The following CELF4 variants were observed in gnomAD, a reference collection of about 807,000 sequenced individuals.
CELF4 encodes the protein CUGBP Elav-like family member 4.
CELF4 carries 18 observed loss-of-function variants against 59.9 expected under a neutral mutation model. The ratio of observed to expected loss-of-function variants is 0.30; its 90% CI spans 0.21 to 0.45. The LOEUF is 0.45. Ranked by LOEUF, CELF4 falls within the 20% of genes least tolerant of loss-of-function variation. CELF4 has a pLI of 1.00. For synonymous variants in CELF4, 261 were observed against 267.1 expected, an observed-to-expected ratio of 0.98 and a Z score of 0.22; for missense variants, 456 against 689.0, an observed-to-expected ratio of 0.66 and a Z score of 3.79.
rs1198127851 is a variant in CELF4, at chr18:37,243,871, G to C, written c.*1371C>G. On this transcript the variant is annotated 3_prime_UTR_variant, in exon 13 of 13. Coordinates refer to ENST00000420428, the MANE Select transcript of CELF4 (RefSeq NM_020180.4). Reference sequence around the variant, plus strand: ...GAGTGAAGCGGAAGGTGAGTGAAGCGCGCGCAGCTCCCAGAGGGAAGCGAG... The same window carrying C: ...GAGTGAAGCGGAAGGTGAGTGAAGCCCGCGCAGCTCCCAGAGGGAAGCGAG... The C allele has an allele frequency of 5.5e-6, 1 of 181,632 alleles. No homozygotes were observed. The highest frequency in any genetic ancestry group is 1.3e-4 in the East Asian group (1 of 7,716). 11.3% of individuals were successfully genotyped at this position (181,632 alleles called of 1,614,324 possible). A position where few individuals can be genotyped will look rare whatever the true frequency, so the allele number is the denominator to read the frequency against.
chr18:37,465,751 G>A (rs77280470), intron 2 of CELF4, among the ~76,000 whole-genome samples: 1,602 of 152,314 alleles, frequency 0.011, 23 homozygotes, highest in Non-Finnish European at 0.011. Context: ...TGTAATGGAA[G>A]GGAATTGGTA....
In CELF4 at chr18:37,565,507, G is replaced by A; in HGVS notation, c.135C>T (p.Thr45=). Reference sequence around the variant, plus strand: ...TGGCATCGTGGTCCTTCATGGGAATGGTCGACGGGTTCCCCGGGCTGTGGC... The same window carrying A: ...TGGCATCGTGGTCCTTCATGGGAATAGTCGACGGGTTCCCCGGGCTGTGGC... ...GLSHSPGNPS[T]IPMKDHDAIK... Residue 45 remains threonine, a synonymous_variant, in exon 1 of 13, where the codon ACC becomes ACT. Coordinates refer to ENST00000420428, the MANE Select transcript of CELF4 (RefSeq NM_020180.4). 1 of 1,614,190 alleles carries A rather than the reference G, an allele frequency of 6.2e-7. No individual in the cohort carries two copies. Among genetic ancestry groups the A allele is most frequent in the East Asian group, 2.2e-5 (1 of 44,862 alleles).
chr18:37,403,710 G>T (rs1031733965), intron 2 of CELF4, among the ~76,000 whole-genome samples: 1 of 152,186 alleles, frequency 6.6e-6, no homozygotes, highest in South Asian at 2.1e-4. Context: ...GCAGAAGGGC[G>T]GCCCTAGGCA....
chr18:37,504,054 A>G (rs1242754298), intron 1 of CELF4, among the ~76,000 whole-genome samples: 3 of 152,222 alleles, frequency 2.0e-5, no homozygotes, highest in African/African-American at 7.2e-5. Flanking sequence ...GACCTGGGCT[A>G]GAAATCATGA....
chr18:37,461,387 C>T (rs183831853), intron 2 of CELF4, among the ~76,000 whole-genome samples: 102 of 152,312 alleles, frequency 6.7e-4, no homozygotes, highest in Non-Finnish European at 1.3e-3. Context: ...GAAGCAAACT[C>T]GTTCTTCAAA....
intron 2 of CELF4, among the ~76,000 whole-genome samples, chr18:37,430,300 A>G (rs1447926483): frequency 6.6e-6 from 1 of 152,190 alleles, no homozygotes; most frequent in African/African-American, 2.4e-5. Context: ...CCCCTTGGAA[A>G]CTTTTCATCT....
intron 8 of CELF4, among the ~76,000 whole-genome samples, chr18:37,269,705 G>A (rs1276056159): frequency 6.6e-6 from 1 of 152,226 alleles, no homozygotes; most frequent in African/African-American, 2.4e-5. Context: ...TCCTTGGGAA[G>A]GCTTTTTGGG....
At chr18:37,458,035 A>G (rs2099783374) in intron 2 of CELF4, among the ~76,000 whole-genome samples, 1 of 152,120 alleles carries the variant, frequency 6.6e-6, no homozygotes, top group Non-Finnish European at 1.5e-5. Context: ...CGTTCCAATA[A>G]GGGTCATGCG....
chr18:37,565,277 C>A, intron 1 of CELF4, 79 bp downstream of exon 1: 1 of 1,441,276 alleles, frequency 6.9e-7, no homozygotes, highest in South Asian at 1.5e-5. Flanking sequence ...GTCCGCCGCT[C>A]GTCAGTCGCC....
At position 37,414,242 on chromosome 18, in the gene CELF4, C is replaced by G. The variant is rs141977010; in HGVS notation, c.369+71283G>C. 3.6e-3 allele frequency among the ~76,000 whole-genome samples: 517 copies of G among 143,838 alleles called. 3 individuals carry two copies. Among genetic ancestry groups the G allele is most frequent in the Middle Eastern group, 7.8e-3 (2 of 256 alleles). 94.4% of individuals were successfully genotyped at this position (143,838 alleles called of 152,430 possible). On this transcript the variant is annotated intron_variant, in intron 2 of 12. Coordinates refer to ENST00000420428, the MANE Select transcript of CELF4 (RefSeq NM_020180.4). Reference sequence around the variant, plus strand: ...TCTATCTATCTATCTATCTATCTATCTATCCATCCATTCATACTTGCATAC... The same window carrying G: ...TCTATCTATCTATCTATCTATCTATGTATCCATCCATTCATACTTGCATAC...
chr18:37,252,047 G>C (rs2065834246), intron 12 of CELF4, among the ~76,000 whole-genome samples: 1 of 152,216 alleles, frequency 6.6e-6, no homozygotes, highest in Admixed American at 6.5e-5. Flanking sequence ...CCTGCTCTCT[G>C]AGGGTGAGAG....
In CELF4 at chr18:37,253,712, G is replaced by A. The variant is rs547348805; in HGVS notation, c.*44+55C>T. 7 of 1,364,904 alleles carry A rather than the reference G, an allele frequency of 5.1e-6. No homozygotes were observed. Among genetic ancestry groups the A allele is most frequent in the Non-Finnish European group, 6.8e-6 (7 of 1,022,672 alleles). 84.5% of individuals were successfully genotyped at this position (1,364,904 alleles called of 1,614,324 possible). A position where few individuals can be genotyped will look rare whatever the true frequency, so the allele number is the denominator to read the frequency against. ...CCACGGAGGCCGGAGGAGGCGGCGG[G>A]TCCGTCTGGTTCCCTCCCAACCCCC... On this transcript the variant is annotated intron_variant, in intron 12 of 12. Coordinates refer to ENST00000420428, the MANE Select transcript of CELF4 (RefSeq NM_020180.4). The surrounding 1 kb of genome is among the most constrained non-coding windows in gnomAD (Gnocchi z 4.5).
At chr18:37,373,082 G>T (rs524352) in intron 2 of CELF4, among the ~76,000 whole-genome samples, 130,118 of 152,234 alleles carry the variant, frequency 0.85, 55,809 homozygotes, top group East Asian at 0.92. Context: ...TGATTCCCAT[G>T]TTACAGATGA....
chr18:37,432,213 C>T (rs1328449148), intron 2 of CELF4, among the ~76,000 whole-genome samples: 1 of 152,176 alleles, frequency 6.6e-6, no homozygotes, highest in East Asian at 1.9e-4. Context: ...AGGTGGATCC[C>T]ACCTTCTCTT....
At chr18:37,387,716 G>C (rs544964286) in intron 2 of CELF4, among the ~76,000 whole-genome samples, 1 of 152,324 alleles carries the variant, frequency 6.6e-6, no homozygotes, top group East Asian at 1.9e-4. Flanking sequence ...CTGCGGGTGG[G>C]ACTTTGTTTT....
At position 37,332,523 on chromosome 18, in the gene CELF4, G is replaced by A. The variant is rs116088612; in HGVS notation, c.370-10642C>T. 3.0e-3 allele frequency among the ~76,000 whole-genome samples: 450 copies of A among 151,978 alleles called. 1 individual carries two copies. Among genetic ancestry groups the A allele is most frequent in the African/African-American group, 0.01 (428 of 41,450 alleles). The stretch of plus-strand genomic sequence containing the variant: ...TCCCCACTCTCTCCCATCCCTCTCC[G>A]AGCCTCCACCCTCTCCTATCTCTCT... On this transcript the variant is annotated intron_variant, in intron 2 of 12. Transcript: ENST00000420428.
chr18:37,516,854 C>T (rs1230770725), intron 1 of CELF4, among the ~76,000 whole-genome samples: 1 of 152,228 alleles, frequency 6.6e-6, no homozygotes, highest in East Asian at 1.9e-4. Flanking sequence ...TAGCTCAGCT[C>T]TGGGGGCACG....
chr18:37,256,977 G>T (rs142769894), intron 11 of CELF4, among the ~76,000 whole-genome samples: 1 of 152,316 alleles, frequency 6.6e-6, no homozygotes, highest in African/African-American at 2.4e-5. Flanking sequence ...GGAACAGCTG[G>T]GCTGGACCAG....
At chr18:37,546,114 G>T (rs2099981339) in intron 1 of CELF4, among the ~76,000 whole-genome samples, 1 of 152,146 alleles carries the variant, frequency 6.6e-6, no homozygotes, top group Admixed American at 6.5e-5. Context: ...CCCACCCAGG[G>T]AGTTGGACTC....
Sources: allele counts gnomAD v4.1 joint callset (sites outside exome capture counted in the v4.1 genomes callset), GRCh38; gene constraint gnomAD v4.1.1; non-coding constraint Gnocchi (gnomAD v3.1); transcripts MANE v1.5; gene names NCBI Gene and HGNC (gene_info 2026-07-23, HGNC 2026-07-21).